KIAA0825: variants seen among roughly 807,000 people sequenced by gnomAD.
KIAA0825 encodes uncharacterized protein KIAA0825.
In KIAA0825, 119 loss-of-function variants were observed where a neutral mutation model predicts 147.6. The observed-to-expected ratio is 0.81, with a 90% CI of 0.69 to 0.94. KIAA0825 has a LOEUF of 0.94. Ranked by LOEUF, KIAA0825 falls within the 40% of genes least tolerant of loss-of-function variation. The pLI, the probability that KIAA0825 is intolerant of heterozygous loss-of-function variation, is 0.00. For missense variants in KIAA0825, 1,381 were observed against 1,472.7 expected (o/e 0.94, Z 1.02); for synonymous variants, 470 against 518.1 (o/e 0.91, Z 1.26).
At chr5:94,242,725 A>G in intron 20 of KIAA0825, among the ~76,000 whole-genome samples, 1 of 151,954 alleles carries the variant, frequency 6.6e-6, no homozygotes, top group Admixed American at 6.6e-5. Context: ...TCCAGGGTTC[A>G]AGTGATTCTT....
At chr5:94,476,414 A>C (rs1470553415) in intron 7 of KIAA0825, among the ~76,000 whole-genome samples, 1 of 152,172 alleles carries the variant, frequency 6.6e-6, no homozygotes, top group South Asian at 2.1e-4. Context: ...TGGGGCTACC[A>C]GTCGAAGCTA....
chr5:94,565,383 C>A (rs1778528293), intron 2 of KIAA0825, among the ~76,000 whole-genome samples: 1 of 146,544 alleles, frequency 6.8e-6, no homozygotes, highest in Non-Finnish European at 1.5e-5. Context: ...CCTTTTGTTG[C>A]CCAGGCTGGG....
chr5:94,210,813 G>A (rs1488761600), intron 20 of KIAA0825, among the ~76,000 whole-genome samples: 4 of 152,186 alleles, frequency 2.6e-5, no homozygotes, highest in Non-Finnish European at 4.4e-5. Context: ...TAGGTCTAGG[G>A]TGTGGATTTA....
rs1177450579 is a variant in KIAA0825, at chr5:94,152,872, AT to A, written c.*1134del. On this transcript the variant is annotated 3_prime_UTR_variant, in exon 21 of 21. Coordinates refer to ENST00000682413, the MANE Select transcript of KIAA0825 (RefSeq NM_001145678.3). ...AAAAAAAAATTATATATATATATATATATATATATATATATATATATATATA... is the reference window on the plus strand; with the variant it reads ...AAAAAAAAATTATATATATATATATAATATATATATATATATATATATATA... 2 of 49,582 alleles carry A rather than the reference AT, an allele frequency of 4.0e-5. No individual in the cohort carries two copies. Among genetic ancestry groups the A allele is most frequent in the African/African-American group, 8.2e-5 (1 of 12,166 alleles). 3.1% of individuals were successfully genotyped at this position (49,582 alleles called of 1,614,324 possible). A position where few individuals can be genotyped will look rare whatever the true frequency, so the allele number is the denominator to read the frequency against.
At chr5:94,499,484 G>A (rs1764782447) in intron 5 of KIAA0825, among the ~76,000 whole-genome samples, 2 of 150,448 alleles carry the variant, frequency 1.3e-5, no homozygotes, top group South Asian at 4.2e-4. Flanking sequence ...AAGTTAGAAG[G>A]AACCCCTACT....
At chr5:94,295,292 A>G (rs1778085439) in intron 20 of KIAA0825, among the ~76,000 whole-genome samples, 1 of 151,964 alleles carries the variant, frequency 6.6e-6, no homozygotes, top group South Asian at 2.1e-4. Flanking sequence ...GTTCTTCTCT[A>G]AACTGGTTAT....
intron 20 of KIAA0825, among the ~76,000 whole-genome samples, chr5:94,159,067 AG>A (rs1262029868): frequency 1.3e-5 from 2 of 152,208 alleles, no homozygotes; most frequent in Non-Finnish European, 2.9e-5. Flanking sequence ...TAACAACAGC[AG>A]GGCTGATGAC....
At chr5:94,189,055 G>A (rs888196611) in intron 20 of KIAA0825, among the ~76,000 whole-genome samples, 1 of 152,066 alleles carries the variant, frequency 6.6e-6, no homozygotes, top group African/African-American at 2.4e-5. Context: ...ACCTGTGCTC[G>A]TTGGCCATTT....
At chr5:94,314,130 A>C (rs2150216870) in intron 20 of KIAA0825, among the ~76,000 whole-genome samples, 1 of 151,812 alleles carries the variant, frequency 6.6e-6, no homozygotes, top group South Asian at 2.1e-4. Flanking sequence ...AGGATCTATT[A>C]AACACACATA....
chr5:94,326,781 A>T (rs1308351826), intron 20 of KIAA0825, among the ~76,000 whole-genome samples: 1 of 152,202 alleles, frequency 6.6e-6, no homozygotes, highest in Non-Finnish European at 1.5e-5. Flanking sequence ...TGTTTTTCCA[A>T]ATCTATCGGT....
At chr5:94,207,517 C>T (rs879682521) in intron 20 of KIAA0825, among the ~76,000 whole-genome samples, 25 of 152,150 alleles carry the variant, frequency 1.6e-4, no homozygotes, top group Non-Finnish European at 3.7e-4. Context: ...AAGGACCATT[C>T]TTCTGACTAG....
At chr5:94,206,264 A>T (rs1379417628) in intron 20 of KIAA0825, among the ~76,000 whole-genome samples, 1 of 151,788 alleles carries the variant, frequency 6.6e-6, no homozygotes, top group Admixed American at 6.6e-5. Context: ...TTCCAGATCA[A>T]TTTTCATCTT....
At position 94,537,605 on chromosome 5, in the gene KIAA0825, G is replaced by A. The variant is rs140909545; in HGVS notation, c.-1-478C>T. 5.7e-3 allele frequency among the ~76,000 whole-genome samples: 808 copies of A among 141,838 alleles called. 10 individuals are homozygous for A. The highest frequency in any genetic ancestry group is 0.02 in the African/African-American group (722 of 36,598). 93.1% of individuals were successfully genotyped at this position (141,838 alleles called of 152,430 possible). A position where few individuals can be genotyped will look rare whatever the true frequency, so the allele number is the denominator to read the frequency against. ...GGAGCTTGCAGTGAGCCGCGATTGC[G>A]CCACTGCACTGCAGCCTGGGCGACA... On this transcript the variant is annotated intron_variant, in intron 2 of 20. Transcript: ENST00000682413.
intron 9 of KIAA0825, among the ~76,000 whole-genome samples, chr5:94,470,669 A>G (rs954925481): frequency 3.3e-5 from 5 of 152,250 alleles, no homozygotes; most frequent in Non-Finnish European, 5.9e-5. Flanking sequence ...ACTACTTATG[A>G]GAATTAAAGA....
At chr5:94,593,119 G>C in intron 1 of KIAA0825, 1 of 742,260 alleles carries the variant, frequency 1.3e-6, no homozygotes. Context: ...CAATACCCTG[G>C]TGAATGTGTT....
intron 20 of KIAA0825, among the ~76,000 whole-genome samples, chr5:94,274,612 C>T (rs193166743): frequency 6.6e-6 from 1 of 152,186 alleles, no homozygotes; most frequent in South Asian, 2.1e-4. Context: ...ATACTACAGC[C>T]AGAAATTGGT....
chr5:94,302,881 A>T (rs1245739386), intron 20 of KIAA0825, among the ~76,000 whole-genome samples: 1 of 152,146 alleles, frequency 6.6e-6, no homozygotes, highest in Non-Finnish European at 1.5e-5. Flanking sequence ...AAAGGAAATG[A>T]AAGTTATAAG....
chr5:94,605,496 C>T (rs543256619), intron 1 of KIAA0825, among the ~76,000 whole-genome samples: 1 of 152,284 alleles, frequency 6.6e-6, no homozygotes, highest in East Asian at 1.9e-4. Flanking sequence ...TCTAGCTGAA[C>T]ATCAGTGCAA....
At chr5:94,588,218 T>C (rs933477922) in intron 1 of KIAA0825, among the ~76,000 whole-genome samples, 1 of 152,208 alleles carries the variant, frequency 6.6e-6, no homozygotes, top group African/African-American at 2.4e-5. Flanking sequence ...AAAGAGCTTC[T>C]GCACAGCAAA....
Sources: allele counts gnomAD v4.1 joint callset (sites outside exome capture counted in the v4.1 genomes callset), GRCh38; gene constraint gnomAD v4.1.1; transcripts MANE v1.5; gene names NCBI Gene and HGNC (gene_info 2026-07-23, HGNC 2026-07-21).